Variants in IL4I1 observed in about 807,000 individuals in gnomAD.
The protein encoded by IL4I1 is interleukin 4 induced 1.
Under a neutral mutation model 29.7 loss-of-function variants are expected in IL4I1, and 24 were observed. That is an observed-to-expected ratio of 0.81 (90% CI 0.59 to 1.14). IL4I1 has a LOEUF of 1.14. Ranked by LOEUF, IL4I1 falls within the 50% of genes most tolerant of loss-of-function variation. The pLI is 0.00. For synonymous variants in IL4I1, 371 were observed against 352.5 expected (o/e 1.05, Z -0.59); for missense variants, 686 against 785.6 (o/e 0.87, Z 1.52).
rs143078249 is a variant in IL4I1 at position 49,908,548 on chromosome 19, G to T, written c.-227-4227C>A. 12 of 1,614,052 alleles carry T rather than the reference G, an allele frequency of 7.4e-6. No homozygotes were observed. In the African/African-American group the frequency reaches 1.5e-4, roughly 20 times the overall value. ...CCTCATCCGCGTGCTGCAGGTAGAT[G>T]GTCCCGCTCTGCTCCTTGACCAACT... On this transcript the variant is annotated intron_variant, in intron 2 of 9. Coordinates refer to the IL4I1 transcript ENST00000341114.
In IL4I1 at chr19:49,891,124, G is replaced by T; in HGVS notation, c.637-17C>A. 6.2e-7 allele frequency: 1 copy of T among 1,609,126 alleles called. No individual in the cohort carries two copies. The highest frequency in any genetic ancestry group is 2.2e-5 in the East Asian group (1 of 44,834). On this transcript the variant is annotated splice_polypyrimidine_tract_variant and intron_variant, in intron 6 of 7. Transcript: ENST00000391826. ...AAGATATTCCTGCAGGTTGGGCACA[G>T]GCCGAGGTTAGGGCCCAGGCAGGCT...
rs920589703 is a variant in IL4I1 at position 49,925,613 on chromosome 19, G to A, written c.-228+2081C>T. Among the ~76,000 whole-genome samples the A allele has an allele frequency of 3.9e-5, 6 of 152,154 alleles. No homozygotes were observed. The East Asian group carries it at 1.2e-3, about 29-fold the overall frequency. ...AAGGAAAGTCTAAAACCAGTCACAG[G>A]CCAGAGGAGGCTGCGGAGCCATGAT... On this transcript the variant is annotated intron_variant, in intron 2 of 9. Coordinates refer to the IL4I1 transcript ENST00000341114.
chr19:49,901,611 T>A (rs771626169), upstream of IL4I1: 6 of 1,456,068 alleles, frequency 4.1e-6, no homozygotes, highest in Non-Finnish European at 5.5e-6. Context: ...TTCCAGAACA[T>A]CCCAGGGCCC....
chr19:49,909,923 G>T, intron 2 of IL4I1: 1 of 1,119,778 alleles, frequency 8.9e-7, no homozygotes, highest in Non-Finnish European at 1.3e-6. Context: ...TGGCAGTTTT[G>T]GAAAGGCAAG....
intron 2 of IL4I1, among the ~76,000 whole-genome samples, chr19:49,915,121 G>C (rs536990742): frequency 1.3e-5 from 2 of 152,154 alleles, no homozygotes; most frequent in African/African-American, 2.4e-5. Flanking sequence ...GGACCAAAAG[G>C]AAAGGAAGAA....
At chr19:49,909,653 G>A in intron 2 of IL4I1, 1 of 1,614,218 alleles carries the variant, frequency 6.2e-7, no homozygotes, top group South Asian at 1.1e-5. Context: ...AGGGGTACTT[G>A]TGGCTGGTTG....
At chr19:49,891,197 CA>C in intron 6 of IL4I1, 90 bp from the exon 7 acceptor site, 6 of 1,544,828 alleles carry the variant, frequency 3.9e-6, no homozygotes, top group Non-Finnish European at 5.3e-6. Context: ...GGTCCCATGA[CA>C]TGTCCTTGGA....
intron 2 of IL4I1, chr19:49,908,311 C>T (rs1022919695): frequency 6.2e-7 from 1 of 1,614,144 alleles, no homozygotes; most frequent in Non-Finnish European, 8.5e-7. Flanking sequence ...TCACCTCCTC[C>T]ACCTTCCTCT....
chr19:49,909,667 G>C (rs781250765), intron 2 of IL4I1: 1 of 1,614,098 alleles, frequency 6.2e-7, no homozygotes, highest in Admixed American at 1.7e-5. Flanking sequence ...CTGGTTGGAA[G>C]GGAGCCCCAA....
At chr19:49,927,022 A>G (rs184008) in intron 2 of IL4I1, among the ~76,000 whole-genome samples, 151,842 of 152,122 alleles carry the variant, frequency 1, 75,781 homozygotes, top group Middle Eastern at 1. Context: ...ACCACACCCG[A>G]CTATTTTTTT....
chr19:49,896,808 T>TC, intron 1 of IL4I1, 27 bp downstream of exon 1: 1 of 984,884 alleles, frequency 1.0e-6, no homozygotes, highest in Non-Finnish European at 1.2e-6. Flanking sequence ...TGTCTCTCTG[T>TC]CCCCCCACCA....
At chr19:49,899,048 G>A (rs758642479), upstream of IL4I1, among the ~76,000 whole-genome samples, 3 of 152,244 alleles carry the variant, frequency 2.0e-5, no homozygotes, top group Non-Finnish European at 2.9e-5. Context: ...GTATGAACGC[G>A]GCGGGATTGG....
At chr19:49,914,913 T>A (rs546030873) in intron 2 of IL4I1, among the ~76,000 whole-genome samples, 24 of 151,714 alleles carry the variant, frequency 1.6e-4, no homozygotes, top group Non-Finnish European at 2.1e-4. Context: ...CTAATTTTTG[T>A]ATTTTTAGTA....
At chr19:49,914,726 G>GTTTTTTTTTTTTTTTTTTTTT (rs530372497) in intron 2 of IL4I1, among the ~76,000 whole-genome samples, 3 of 56,404 alleles carry the variant, frequency 5.3e-5, no homozygotes, top group Non-Finnish European at 3.2e-5. Context: ...CCAAGTCCCA[G>GTTTTTTTTTTTTTTTTTTTTT]TTTTTTTTTT....
chr19:49,898,603 T>C (rs976841129), upstream of IL4I1, among the ~76,000 whole-genome samples: 3 of 151,288 alleles, frequency 2.0e-5, no homozygotes, highest in East Asian at 2.0e-4. Context: ...CACAGTGGCT[T>C]ACGCCTGTAA....
upstream of IL4I1, among the ~76,000 whole-genome samples, chr19:49,897,150 G>A (rs1040058533): frequency 4.6e-5 from 7 of 152,130 alleles, no homozygotes; most frequent in South Asian, 2.1e-4. Context: ...AATCCCCTTC[G>A]GTTTGCCCCC....
At chr19:49,908,312 A>G (rs768832378) in intron 2 of IL4I1, 7 of 1,613,542 alleles carry the variant, frequency 4.3e-6, no homozygotes, top group Middle Eastern at 1.6e-4. Context: ...CACCTCCTCC[A>G]CCTTCCTCTG....
chr19:49,925,079 T>C (rs1314710313), intron 2 of IL4I1, among the ~76,000 whole-genome samples: 2 of 151,906 alleles, frequency 1.3e-5, no homozygotes, highest in Non-Finnish European at 2.9e-5. Context: ...CTGACCAACA[T>C]GGAGAAACCC....
chr19:49,898,080 G>A (rs113826596), upstream of IL4I1, among the ~76,000 whole-genome samples: 5 of 152,354 alleles, frequency 3.3e-5, no homozygotes, highest in African/African-American at 1.2e-4. Context: ...CAGCACTTTG[G>A]GAGGTCGAGG....
Sources: allele counts gnomAD v4.1 joint callset (sites outside exome capture counted in the v4.1 genomes callset), GRCh38; gene constraint gnomAD v4.1.1; transcripts MANE v1.5; gene names NCBI Gene and HGNC (gene_info 2026-07-23, HGNC 2026-07-21).